Variants in DPP10 observed in about 807,000 individuals in gnomAD.
DPP10 encodes inactive dipeptidyl peptidase 10.
In DPP10, 33 loss-of-function variants were observed where a neutral mutation model predicts 120.9. The ratio of observed to expected loss-of-function variants is 0.27; its 90% CI spans 0.21 to 0.37. The LOEUF (loss-of-function observed/expected upper bound fraction) is 0.37, where lower values mean the gene tolerates loss of function less well. DPP10 is among the 10% of genes least tolerant of loss of function. The pLI, the probability that DPP10 is intolerant of heterozygous loss-of-function variation, is 1.00. For synonymous variants in DPP10, 337 were observed against 326.1 expected, an observed-to-expected ratio of 1.03 and a Z score of -0.36; for missense variants, 816 against 942.8, an observed-to-expected ratio of 0.87 and a Z score of 1.76.
At chr2:115,751,358 T>C (rs958280771) in intron 10 of DPP10, among the ~76,000 whole-genome samples, 2 of 152,220 alleles carry the variant, frequency 1.3e-5, no homozygotes, top group Admixed American at 6.5e-5. Context: ...CACTGTTCTT[T>C]GCAGGATCAC....
At chr2:115,421,869 C>CAAAAAAA (rs10610510) in intron 3 of DPP10, among the ~76,000 whole-genome samples, 4 of 46,908 alleles carry the variant, frequency 8.5e-5, no homozygotes, top group Admixed American at 3.9e-4. Context: ...GACTCCATCT[C>CAAAAAAA]AAAAAAAAAA....
intron 7 of DPP10, among the ~76,000 whole-genome samples, chr2:115,721,206 T>C (rs548999916): frequency 6.6e-6 from 1 of 152,314 alleles, no homozygotes; most frequent in African/African-American, 2.4e-5. Flanking sequence ...AATATCTGAA[T>C]CATTCTTCTG....
intron 1 of DPP10, among the ~76,000 whole-genome samples, chr2:114,620,479 T>C (rs1252915320): frequency 6.6e-6 from 1 of 152,040 alleles, no homozygotes; most frequent in Admixed American, 6.6e-5. Flanking sequence ...GATGGTTTAA[T>C]TGAGGTTAAA....
At chr2:115,528,367 A>G (rs1385371777) in intron 5 of DPP10, among the ~76,000 whole-genome samples, 1 of 151,630 alleles carries the variant, frequency 6.6e-6, no homozygotes, top group Non-Finnish European at 1.5e-5. Flanking sequence ...ATAAAAATAA[A>G]TAAATAAATA....
intron 1 of DPP10, among the ~76,000 whole-genome samples, chr2:114,883,103 A>G (rs965805139): frequency 6.6e-6 from 1 of 152,236 alleles, no homozygotes; most frequent in Admixed American, 6.5e-5. Context: ...TGCTTATTGA[A>G]AGATTTGGGA....
intron 1 of DPP10, among the ~76,000 whole-genome samples, chr2:114,804,461 A>C (rs1684547846): frequency 6.6e-6 from 1 of 152,128 alleles, no homozygotes; most frequent in East Asian, 1.9e-4. Context: ...AGCCACAGAC[A>C]CTCAATGCCA....
At chr2:115,327,680 T>C (rs1408120785) in intron 2 of DPP10, among the ~76,000 whole-genome samples, 1 of 152,080 alleles carries the variant, frequency 6.6e-6, no homozygotes, top group Non-Finnish European at 1.5e-5. Context: ...CAACTGACCA[T>C]ATGCTTTTCC....
At chr2:115,554,792 C>T (rs1459345006) in intron 5 of DPP10, among the ~76,000 whole-genome samples, 1 of 152,080 alleles carries the variant, frequency 6.6e-6, no homozygotes, top group African/African-American at 2.4e-5. Flanking sequence ...AACACAAGTA[C>T]AGGGCTCTTC....
intron 1 of DPP10, among the ~76,000 whole-genome samples, chr2:114,508,721 G>A (rs73946187): frequency 0.022 from 3,277 of 152,000 alleles, 115 homozygotes; most frequent in African/African-American, 0.075. Flanking sequence ...CATTTATCTA[G>A]CCTGTTTCCT....
chr2:115,217,362 A>T (rs953759541), intron 1 of DPP10, among the ~76,000 whole-genome samples: 1 of 152,212 alleles, frequency 6.6e-6, no homozygotes, highest in Non-Finnish European at 1.5e-5. Context: ...TGCTCGCCAC[A>T]TAAGGCTCAT....
At chr2:114,660,815 G>T (rs1423872054) in intron 1 of DPP10, among the ~76,000 whole-genome samples, 1 of 152,092 alleles carries the variant, frequency 6.6e-6, no homozygotes, top group Non-Finnish European at 1.5e-5. Context: ...ATTAGTTCTT[G>T]TTGAATTATG....
rs554620173 is a variant in DPP10 at position 115,190,744 on chromosome 2, C to T, written c.61-118495C>T. Among the ~76,000 whole-genome samples the T allele has an allele frequency of 3.9e-5, 6 of 152,124 alleles. No individual in the cohort carries two copies. The South Asian group carries it at 1.2e-3, about 31-fold the overall frequency. On this transcript the variant is annotated intron_variant, in intron 1 of 25. Coordinates refer to ENST00000410059, the MANE Select transcript of DPP10 (RefSeq NM_020868.6). ...GCTACCATACAGCTCATGCCCGGTC[C>T]GTGAGAGAACCGCCCAAGTGGAAAG...
intron 3 of DPP10, among the ~76,000 whole-genome samples, chr2:115,421,869 CAAAAAAAAAAAA>C (rs10610510): frequency 4.3e-5 from 2 of 46,884 alleles, no homozygotes; most frequent in African/African-American, 9.5e-5. Flanking sequence ...GACTCCATCT[CAAAAAAAAAAAA>C]AAAAAAAAAA....
At chr2:115,591,843 T>G (rs2082683746) in intron 5 of DPP10, among the ~76,000 whole-genome samples, 2 of 152,224 alleles carry the variant, frequency 1.3e-5, no homozygotes, top group Admixed American at 6.5e-5. Flanking sequence ...AGCAGTGGTT[T>G]GTAGTTCTCC....
intron 3 of DPP10, among the ~76,000 whole-genome samples, chr2:115,383,500 G>C (rs1057028098): frequency 6.6e-6 from 1 of 152,004 alleles, no homozygotes; most frequent in Non-Finnish European, 1.5e-5. Context: ...AATAGAAGTG[G>C]GATTTTTACA....
intron 1 of DPP10, among the ~76,000 whole-genome samples, chr2:114,955,062 A>G (rs768871863): frequency 1.3e-5 from 2 of 152,350 alleles, no homozygotes; most frequent in East Asian, 1.9e-4. Context: ...TGGACCTTGC[A>G]TAAGAAAGAA....
intron 1 of DPP10, among the ~76,000 whole-genome samples, chr2:115,060,506 C>G (rs1204644181): frequency 2.0e-5 from 3 of 152,064 alleles, no homozygotes; most frequent in Admixed American, 1.3e-4. Flanking sequence ...ACGGAAGGAT[C>G]CCTTGAGCCT....
intron 1 of DPP10, among the ~76,000 whole-genome samples, chr2:114,708,904 C>T (rs974163309): frequency 7.9e-5 from 12 of 152,130 alleles, no homozygotes; most frequent in African/African-American, 2.7e-4. Flanking sequence ...TACAGGCACA[C>T]TCCACCTTAC....
At chr2:115,323,977 C>G (rs1255131475) in intron 2 of DPP10, among the ~76,000 whole-genome samples, 2 of 152,134 alleles carry the variant, frequency 1.3e-5, no homozygotes, top group African/African-American at 4.8e-5. Context: ...ATGTCACCAG[C>G]TGCATTAGCC....
Sources: gnomAD v4.1 joint callset for allele counts (sites outside exome capture counted in the v4.1 genomes callset) on GRCh38, gnomAD v4.1.1 for gene constraint, MANE v1.5 for transcripts, NCBI Gene and HGNC (gene_info 2026-07-23, HGNC 2026-07-21) for gene names.